Variants in CCNG2 observed in about 807,000 individuals in gnomAD.
CCNG2 encodes cyclin-G2.
In CCNG2, 20 loss-of-function variants were observed where a neutral mutation model predicts 36.5. The observed-to-expected ratio is 0.55, with a 90% CI of 0.39 to 0.80. The LOEUF is 0.80. Ranked by LOEUF, CCNG2 falls within the 30% of genes least tolerant of loss-of-function variation. CCNG2 has a pLI of 0.00. For synonymous variants in CCNG2, 155 were observed against 140.1 expected (o/e 1.11, Z -0.75); for missense variants, 358 against 390.8 (o/e 0.92, Z 0.71).
At chr4:77,158,405 C>T (rs1731332241) in intron 1 of CCNG2, 128 bp from the exon 2 acceptor site, 4 of 893,042 alleles carry the variant, frequency 4.5e-6, no homozygotes, top group Non-Finnish European at 7.1e-6. Flanking sequence ...TGACTGGTCC[C>T]TTCACCCGCT....
chr4:77,162,142 A>G (rs914340098), intron 6 of CCNG2, among the ~76,000 whole-genome samples: 2 of 152,348 alleles, frequency 1.3e-5, no homozygotes, highest in East Asian at 1.9e-4. Context: ...AGCAGCATCA[A>G]TTAACACCAG....
Position 77,158,556 on chromosome 4 carries a change from C to A in CCNG2, c.24C>A (p.His8Gln). 1 of 1,614,172 alleles carries A rather than the reference C, an allele frequency of 6.2e-7. No homozygotes were observed. Among genetic ancestry groups the A allele is most frequent in the Non-Finnish European group, 8.5e-7 (1 of 1,180,034 alleles). Residue 8 changes from histidine (H) to glutamine (Q), a missense_variant, in exon 2 of 8, where the codon CAC becomes CAA. By Grantham distance (24) the His-to-Gln change is conservative. Transcript: ENST00000316355. MKDLGAE[H>Q]LAGHEGVQLL... ...AGATGAAGGATTTGGGGGCAGAGCACTTGGCAGGTCATGAAGGGGTCCAAC... is the reference window on the plus strand; with the variant it reads ...AGATGAAGGATTTGGGGGCAGAGCAATTGGCAGGTCATGAAGGGGTCCAAC...
intron 7 of CCNG2, 89 bp downstream of exon 7, chr4:77,164,568 G>C: frequency 1.1e-6 from 1 of 939,004 alleles, no homozygotes; most frequent in Non-Finnish European, 1.6e-6. Context: ...TAAGACATCA[G>C]AGAAAGCAAG....
chr4:77,164,252 T>C, intron 6 of CCNG2, 22 bp from the exon 7 acceptor site: 1 of 1,589,088 alleles, frequency 6.3e-7, no homozygotes, highest in South Asian at 1.1e-5. Flanking sequence ...TGCCGTAACC[T>C]CTTAAAATAT....
At chr4:77,157,885 G>C (rs1320151272) in intron 1 of CCNG2, among the ~76,000 whole-genome samples, 1 of 152,082 alleles carries the variant, frequency 6.6e-6, no homozygotes, top group East Asian at 1.9e-4. Context: ...GGGGCGGGCG[G>C]GCTGGACTGG....
chr4:77,165,327 A>G (rs570435590), intron 7 of CCNG2, among the ~76,000 whole-genome samples: 2 of 152,340 alleles, frequency 1.3e-5, no homozygotes, highest in Non-Finnish European at 1.5e-5. Flanking sequence ...TTAGAATTCT[A>G]CAATTCTAAT....
rs1021210930 is a variant in CCNG2 at position 77,168,672 on chromosome 4, A to T, written c.*2748A>T. On this transcript the variant is annotated 3_prime_UTR_variant, in exon 8 of 8. Coordinates refer to ENST00000316355, the MANE Select transcript of CCNG2 (RefSeq NM_004354.3). ...CTGAACTAAGGCAGTGGAAGTGTGG[A>T]TGAGGAAGAGAGGTGAAAATTGAGA... 16 of 150,234 alleles carry T rather than the reference A, an allele frequency of 1.1e-4. No homozygotes were observed. The highest frequency in any genetic ancestry group is 3.8e-4 in the African/African-American group (15 of 39,700). 9.3% of individuals were successfully genotyped at this position (150,234 alleles called of 1,614,324 possible). A position where few individuals can be genotyped will look rare whatever the true frequency, so the allele number is the denominator to read the frequency against.
At chr4:77,164,179 A>C (rs1213462281) in intron 6 of CCNG2, 95 bp from the exon 7 acceptor site, 5 of 695,008 alleles carry the variant, frequency 7.2e-6, no homozygotes, top group Non-Finnish European at 9.5e-6. Context: ...CCAGGCATCT[A>C]TATATATATA....
At position 77,158,635 on chromosome 4, in the gene CCNG2, G is replaced by GA. The variant is rs1731340741; in HGVS notation, c.108dup (p.Gly37ArgfsTer6). ...ACAAGAAGAGAGATTCCAACCTCGAGAAAAAGGGCTGAGTTTGATTGAGGC... is the reference window on the plus strand; with the variant it reads ...ACAAGAAGAGAGATTCCAACCTCGAGAAAAAAGGGCTGAGTTTGATTGAGGC... On this transcript the variant is annotated frameshift_variant, in exon 2 of 8. Transcript: ENST00000316355. LOFTEE classifies it high-confidence loss of function. The GA allele has an allele frequency of 6.2e-7, 1 of 1,614,018 alleles. No individual in the cohort carries two copies. The highest frequency in any genetic ancestry group is 8.5e-7 in the Non-Finnish European group (1 of 1,180,032).
At chr4:77,162,440 T>G (rs1194194104) in intron 6 of CCNG2, among the ~76,000 whole-genome samples, 1 of 140,364 alleles carries the variant, frequency 7.1e-6, no homozygotes, top group Non-Finnish European at 1.5e-5. Context: ...TAGAGTGCAG[T>G]GGCATGATCT....
chr4:77,165,695 A>G (rs1367174369), intron 7 of CCNG2, 106 bp from the exon 8 acceptor site: 17 of 913,224 alleles, frequency 1.9e-5, no homozygotes, highest in African/African-American at 1.0e-4. Context: ...TAAATTTTGA[A>G]TATAAAAATC....
intron 6 of CCNG2, among the ~76,000 whole-genome samples, chr4:77,163,759 C>T (rs1731549115): frequency 6.6e-6 from 1 of 152,156 alleles, no homozygotes; most frequent in Non-Finnish European, 1.5e-5. Context: ...TTGGGAAATT[C>T]CTGTTCTCTC....
chr4:77,163,707 T>G (rs548434735), intron 6 of CCNG2, among the ~76,000 whole-genome samples: 11 of 152,208 alleles, frequency 7.2e-5, no homozygotes, highest in African/African-American at 2.2e-4. Context: ...AAAAAAGAAA[T>G]AAACTGGAGC....
intron 1 of CCNG2, among the ~76,000 whole-genome samples, chr4:77,157,980 G>A (rs944971020): frequency 6.6e-6 from 1 of 151,958 alleles, no homozygotes; most frequent in African/African-American, 2.4e-5. Flanking sequence ...GGTAAGTCCG[G>A]AATCGGCGCT....
rs1731644231 is a variant in CCNG2 at position 77,166,819 on chromosome 4, G to A, written c.*895G>A. 1 of 152,054 alleles carries A rather than the reference G, an allele frequency of 6.6e-6. No homozygotes were observed. The highest frequency in any genetic ancestry group is 1.5e-5 in the Non-Finnish European group (1 of 68,010). The allele number at this position is 152,054 out of a possible 1,614,324, so 9.4% of individuals were successfully genotyped here. On this transcript the variant is annotated 3_prime_UTR_variant, in exon 8 of 8. Coordinates refer to ENST00000316355, the MANE Select transcript of CCNG2 (RefSeq NM_004354.3). Reference sequence around the variant, plus strand: ...AATTTACATTTCAGAATAGTGTATTGCTATATGGGTGCCAAGATTGAATAT... The same window carrying A: ...AATTTACATTTCAGAATAGTGTATTACTATATGGGTGCCAAGATTGAATAT...
intron 3 of CCNG2, among the ~76,000 whole-genome samples, chr4:77,159,957 T>C (rs1352393419): frequency 6.6e-6 from 1 of 152,178 alleles, no homozygotes; most frequent in African/African-American, 2.4e-5. Context: ...TCACCAGCAA[T>C]GGCTAGAAAA....
At chr4:77,163,560 GTTATGAT>G (rs1246720845) in intron 6 of CCNG2, among the ~76,000 whole-genome samples, 1 of 152,148 alleles carries the variant, frequency 6.6e-6, no homozygotes, top group East Asian at 1.9e-4. Context: ...TTTTGCTTTA[GTTATGAT>G]TTTATTAGTT....
In CCNG2 at chr4:77,160,841, T is replaced by C. The variant is rs772339004; in HGVS notation, c.397T>C (p.Cys133Arg). The C allele has an allele frequency of 2.9e-5, 47 of 1,613,988 alleles. No individual in the cohort carries two copies. Among genetic ancestry groups the C allele is most frequent in the Non-Finnish European group, 3.9e-5 (46 of 1,180,020 alleles). Residue 133 changes from cysteine to arginine, a missense_variant, in exon 4 of 8, where the codon TGT becomes CGT. Cys to Arg is a radical substitution (Grantham distance 180). Coordinates refer to ENST00000316355, the MANE Select transcript of CCNG2 (RefSeq NM_004354.3). ...HDVIRISQCK[C>R]TASDIKRMEK... ...TGTGATCCGGATTAGTCAGTGTAAA[T>C]GTACTGCTTCTGACATAAAACGGAT...
intron 1 of CCNG2, among the ~76,000 whole-genome samples, chr4:77,157,742 G>A (rs976529069): frequency 6.6e-6 from 1 of 152,254 alleles, no homozygotes; most frequent in East Asian, 1.9e-4. Context: ...CTCCGCCTCG[G>A]TGCCCCCCGC....
Sources: allele counts gnomAD v4.1 joint callset (sites outside exome capture counted in the v4.1 genomes callset), GRCh38; gene constraint gnomAD v4.1.1; transcripts MANE v1.5; gene names NCBI Gene and HGNC (gene_info 2026-07-23, HGNC 2026-07-21).